Variants in ETS1 observed in about 807,000 individuals in gnomAD.
ETS1 encodes the protein protein C-ets-1.
A neutral mutation model predicts 58.6 loss-of-function variants in ETS1; 15 were observed. That is an observed-to-expected ratio of 0.26 (90% CI 0.17 to 0.39). ETS1 has a LOEUF of 0.39. Ranked by LOEUF, ETS1 falls within the 10% of genes least tolerant of loss-of-function variation. The pLI, the probability that ETS1 is intolerant of heterozygous loss-of-function variation, is 1.00. For synonymous variants in ETS1, 214 were observed against 218.2 expected (o/e 0.98, Z 0.17); for missense variants, 417 against 610.5 (o/e 0.68, Z 3.34).
Position 128,464,932 on chromosome 11 carries a change from G to A in ETS1, c.1124-1305C>T, listed in dbSNP as rs958470591. The stretch of plus-strand genomic sequence containing the variant: ...TAAGGAGAGGCACAAGTGGTCTTAC[G>A]GCTTCCTTTCTAATGGTGCAGAAAA... On this transcript the variant is annotated intron_variant, in intron 8 of 9. Transcript: ENST00000392668. This position sits in a 1 kb window ranked among gnomAD's most constrained non-coding sequence, Gnocchi z 4.1. Among the ~76,000 whole-genome samples, 3 of 152,080 alleles carry A rather than the reference G, an allele frequency of 2.0e-5. No individual in the cohort carries two copies. The highest frequency in any genetic ancestry group is 4.1e-4 in the South Asian group (2 of 4,824).
At chr11:128,501,560 T>C (rs1396574057) in intron 3 of ETS1, among the ~76,000 whole-genome samples, 1 of 152,240 alleles carries the variant, frequency 6.6e-6, no homozygotes, top group Non-Finnish European at 1.5e-5. Flanking sequence ...TTCTCAGCTT[T>C]GCACCATCTG....
At chr11:128,544,795 T>C (rs1352619591) in intron 3 of ETS1, among the ~76,000 whole-genome samples, 1 of 152,178 alleles carries the variant, frequency 6.6e-6, no homozygotes, top group Admixed American at 6.5e-5. Flanking sequence ...ACTGCACTTT[T>C]AAAAGCCTTT....
At chr11:128,486,023 C>T (rs1248483965) in intron 6 of ETS1, 46 bp downstream of exon 6, 13 of 1,193,734 alleles carry the variant, frequency 1.1e-5, no homozygotes, top group Non-Finnish European at 1.5e-5. Context: ...GGGTCTTTTC[C>T]TAGTTTGCTA....
At chr11:128,527,307 A>C in intron 3 of ETS1, 1 of 192,796 alleles carries the variant, frequency 5.2e-6, no homozygotes, top group South Asian at 7.6e-5. Context: ...CTGCAGCCCC[A>C]ACAATGTGGG....
At chr11:128,560,861 G>C (rs1864394764) in intron 2 of ETS1, among the ~76,000 whole-genome samples, 1 of 152,068 alleles carries the variant, frequency 6.6e-6, no homozygotes, top group Admixed American at 6.5e-5. Context: ...GTAGGGGGAG[G>C]GGAATAGCAG....
At chr11:128,506,601 G>A (rs1010546993) in intron 3 of ETS1, among the ~76,000 whole-genome samples, 1 of 152,168 alleles carries the variant, frequency 6.6e-6, no homozygotes, top group South Asian at 2.1e-4. Context: ...GACAGAAGGC[G>A]GGCAAGGTGT....
intron 3 of ETS1, among the ~76,000 whole-genome samples, chr11:128,497,963 A>C (rs1862987929): frequency 6.8e-6 from 1 of 148,104 alleles, no homozygotes; most frequent in Non-Finnish European, 1.5e-5. Context: ...TCCCACCCTA[A>C]ACATTGGGCA....
At chr11:128,496,647 G>C (rs150851266) in intron 3 of ETS1, among the ~76,000 whole-genome samples, 1 of 152,168 alleles carries the variant, frequency 6.6e-6, no homozygotes, top group Non-Finnish European at 1.5e-5. Flanking sequence ...AAAAGCTAAT[G>C]ATCTCAGAAG....
In ETS1 at chr11:128,461,724, T is replaced by C. The variant is rs756953565; in HGVS notation, c.*637A>G. On this transcript the variant is annotated 3_prime_UTR_variant, in exon 10 of 10. Coordinates refer to ENST00000392668, the MANE Select transcript of ETS1 (RefSeq NM_001143820.2). ...ACAAACTTACATGATATTGCAATAC[T>C]GAGACCACCTTAGAGCTTAAGACGA... is the stretch of plus-strand genomic sequence containing the variant. 2.0e-5 allele frequency: 3 copies of C among 152,744 alleles called. No individual in the cohort carries two copies. The highest frequency in any genetic ancestry group is 4.8e-5 in the African/African-American group (2 of 41,414). 9.5% of individuals were successfully genotyped at this position (152,744 alleles called of 1,614,324 possible). A position where few individuals can be genotyped will look rare whatever the true frequency, so the allele number is the denominator to read the frequency against.
intron 3 of ETS1, among the ~76,000 whole-genome samples, chr11:128,547,512 G>A (rs961124730): frequency 9.9e-5 from 15 of 152,184 alleles, no homozygotes; most frequent in Non-Finnish European, 1.6e-4. Flanking sequence ...AAATGGCAAA[G>A]GCAACTGGAA....
chr11:128,466,149 G>C (rs12291409), intron 8 of ETS1, among the ~76,000 whole-genome samples: 79,064 of 152,058 alleles, frequency 0.52, 22,634 homozygotes, highest in African/African-American at 0.75. Context: ...GCCGTGCCAG[G>C]CCCCGCCATG....
chr11:128,497,956 C>T (rs933462831), intron 3 of ETS1, among the ~76,000 whole-genome samples: 10 of 147,976 alleles, frequency 6.8e-5, no homozygotes, highest in South Asian at 2.8e-4. Flanking sequence ...TCAAATCTCC[C>T]ACCCTAAACA....
intron 3 of ETS1, among the ~76,000 whole-genome samples, chr11:128,536,144 A>T (rs1591648790): frequency 1.3e-5 from 2 of 152,352 alleles, no homozygotes; most frequent in Admixed American, 1.3e-4. Flanking sequence ...CATAAAAAAT[A>T]GGATAATAAG....
chr11:128,548,642 G>A (rs1052052913), intron 3 of ETS1, among the ~76,000 whole-genome samples: 1 of 152,230 alleles, frequency 6.6e-6, no homozygotes, highest in Admixed American at 6.5e-5. Context: ...CTTAAGCCCC[G>A]CTTGGGGCCC....
In ETS1 at chr11:128,545,022, T is replaced by TGG. The variant is rs397810711; in HGVS notation, c.214+11267_214+11268dup. The stretch of plus-strand genomic sequence containing the variant: ...GCTCACGGAGCTGGCTGGTTGGGGG[T>TGG]GGGGGGGGCAGTGTAAGGGGACAAA... On this transcript the variant is annotated intron_variant, in intron 3 of 9. Transcript: ENST00000392668. 6.7e-4 allele frequency among the ~76,000 whole-genome samples: 70 copies of TGG among 103,738 alleles called. No individual in the cohort carries two copies. The South Asian group carries it at 7.9e-3, about 12-fold the overall frequency. 68.1% of individuals were successfully genotyped at this position (103,738 alleles called of 152,430 possible). A position where few individuals can be genotyped will look rare whatever the true frequency, so the allele number is the denominator to read the frequency against.
chr11:128,459,026 A>G lies in ETS1; in HGVS notation c.*3335T>C, dbSNP rs965529868. ...TTCCTTTTTTTCATCTTGCTTCTAAATTTTCAGCTTTTAAAAAATATAAAT... is the reference window on the plus strand; with the variant it reads ...TTCCTTTTTTTCATCTTGCTTCTAAGTTTTCAGCTTTTAAAAAATATAAAT... On this transcript the variant is annotated 3_prime_UTR_variant, in exon 10 of 10. Transcript: ENST00000392668. 15 of 152,240 alleles carry G rather than the reference A, an allele frequency of 9.9e-5. No homozygotes were observed. Among genetic ancestry groups the G allele is most frequent in the Admixed American group, 9.2e-4 (14 of 15,244 alleles). 9.4% of individuals were successfully genotyped at this position (152,240 alleles called of 1,614,324 possible).
At chr11:128,574,833 G>T (rs1031009909) in intron 1 of ETS1, among the ~76,000 whole-genome samples, 1 of 152,096 alleles carries the variant, frequency 6.6e-6, no homozygotes, top group Non-Finnish European at 1.5e-5. Flanking sequence ...GAGATCTTTG[G>T]TTGAGACATA....
chr11:128,566,786 A>T (rs1864512289), intron 2 of ETS1, among the ~76,000 whole-genome samples: 1 of 151,688 alleles, frequency 6.6e-6, no homozygotes, highest in Admixed American at 6.6e-5. Context: ...CCGTCTCAAA[A>T]AAAAAAAAAA....
chr11:128,475,035 T>G (rs1332782345), intron 8 of ETS1, among the ~76,000 whole-genome samples: 2 of 152,264 alleles, frequency 1.3e-5, no homozygotes, highest in Non-Finnish European at 2.9e-5. Flanking sequence ...AGCATTTACA[T>G]GGAGAGACTT....
Sources: gnomAD v4.1 joint callset for allele counts (sites outside exome capture counted in the v4.1 genomes callset) on GRCh38, gnomAD v4.1.1 for gene constraint, Gnocchi (gnomAD v3.1) non-coding constraint, MANE v1.5 for transcripts, NCBI Gene and HGNC (gene_info 2026-07-23, HGNC 2026-07-21) for gene names.